FRA10AC1: variants seen among roughly 807,000 people sequenced by gnomAD.
FRA10AC1 encodes the protein FRA10A associated CGG repeat 1.
FRA10AC1 carries 43 observed loss-of-function variants against 56.5 expected under a neutral mutation model. The ratio of observed to expected loss-of-function variants is 0.76; its 90% CI spans 0.60 to 0.98. The LOEUF is 0.98. FRA10AC1 is among the 50% of genes least tolerant of loss of function. The pLI is 0.00. For synonymous variants in FRA10AC1, 112 were observed against 110.5 expected, an observed-to-expected ratio of 1.01 and a Z score of -0.09; for missense variants, 346 against 351.8, an observed-to-expected ratio of 0.98 and a Z score of 0.13.
intron 5 of FRA10AC1, among the ~76,000 whole-genome samples, chr10:93,693,503 TATATACACC>T (rs1472905299): frequency 2.8e-4 from 14 of 50,028 alleles, no homozygotes; most frequent in African/African-American, 6.7e-4. Context: ...TATATATATA[TATATACACC>T]ATATATATAT....
chr10:93,668,238 T>C lies in FRA10AC1; in HGVS notation c.*1588A>G, dbSNP rs1589709747. The stretch of plus-strand genomic sequence containing the variant: ...AAAATACTTGCTTATGTTCAGTTCA[T>C]TTTCTATATGTCCTTTCTCTTATTC... On this transcript the variant is annotated 3_prime_UTR_variant, in exon 14 of 14. Coordinates refer to ENST00000359204, the MANE Select transcript of FRA10AC1 (RefSeq NM_145246.5). 6.6e-6 allele frequency: 1 copy of C among 152,340 alleles called. No homozygotes were observed. The highest frequency in any genetic ancestry group is 1.9e-4 in the East Asian group (1 of 5,188). 9.4% of individuals were successfully genotyped at this position (152,340 alleles called of 1,614,324 possible).
intron 7 of FRA10AC1, among the ~76,000 whole-genome samples, chr10:93,689,805 A>G (rs1456927248): frequency 6.6e-6 from 1 of 152,110 alleles, no homozygotes; most frequent in East Asian, 1.9e-4. Flanking sequence ...TTTTCTTCTC[A>G]CTCTGCACTC....
intron 10 of FRA10AC1, among the ~76,000 whole-genome samples, chr10:93,682,354 T>C (rs543052736): frequency 1.3e-5 from 2 of 152,364 alleles, no homozygotes; most frequent in South Asian, 4.1e-4. Flanking sequence ...AATGCTATAA[T>C]AGTATTTAAT....
chr10:93,700,747 A>G (rs1314259333), intron 1 of FRA10AC1, among the ~76,000 whole-genome samples: 1 of 152,206 alleles, frequency 6.6e-6, no homozygotes, highest in African/African-American at 2.4e-5. Flanking sequence ...CTTTTTCAAT[A>G]TATGTAGAGA....
At chr10:93,678,853 CA>C (rs34627615) in intron 11 of FRA10AC1, among the ~76,000 whole-genome samples, 78 of 133,872 alleles carry the variant, frequency 5.8e-4, no homozygotes, top group East Asian at 9.0e-4. Context: ...CCCTGTCTTA[CA>C]AAAAAAAAAA....
At chr10:93,691,454 G>A (rs2059123231) in intron 7 of FRA10AC1, among the ~76,000 whole-genome samples, 1 of 152,092 alleles carries the variant, frequency 6.6e-6, no homozygotes, top group Non-Finnish European at 1.5e-5. Context: ...TGAGATTACA[G>A]GCATGAGCCA....
rs894605732 is a variant in FRA10AC1, at chr10:93,668,693, C to G, written c.*1133G>C. 1 of 152,750 alleles carries G rather than the reference C, an allele frequency of 6.5e-6. No individual in the cohort carries two copies. Among genetic ancestry groups the G allele is most frequent in the African/African-American group, 2.4e-5 (1 of 41,460 alleles). The allele number at this position is 152,750 out of a possible 1,614,324, so 9.5% of individuals were successfully genotyped here. On this transcript the variant is annotated 3_prime_UTR_variant, in exon 14 of 14. Coordinates refer to ENST00000359204, the MANE Select transcript of FRA10AC1 (RefSeq NM_145246.5). ...GCAGCAAAAGAAAATGAGAAGGATG[C>G]AAAAGCAGAAGCCCCTGATAAAACC...
intron 13 of FRA10AC1, among the ~76,000 whole-genome samples, chr10:93,670,481 T>G (rs886742205): frequency 6.6e-6 from 1 of 152,140 alleles, no homozygotes; most frequent in African/African-American, 2.4e-5. Context: ...TATGATGGAA[T>G]AGGCTTCTCT....
intron 7 of FRA10AC1, among the ~76,000 whole-genome samples, chr10:93,691,169 GA>G (rs1214027079): frequency 6.6e-6 from 1 of 152,072 alleles, no homozygotes; most frequent in African/African-American, 2.4e-5. Context: ...TTTGATGTTT[GA>G]GATAGAAATA....
intron 11 of FRA10AC1, among the ~76,000 whole-genome samples, chr10:93,677,538 T>G (rs1363525239): frequency 6.6e-6 from 1 of 152,176 alleles, no homozygotes; most frequent in Non-Finnish European, 1.5e-5. Flanking sequence ...TAGGCTTAAT[T>G]TGGAGGCCCA....
In FRA10AC1 at chr10:93,684,085, T is replaced by A. The variant is rs147730663; in HGVS notation, c.639A>T (p.Glu213Asp). 16 of 1,607,158 alleles carry A rather than the reference T, an allele frequency of 1.0e-5. No individual in the cohort carries two copies. The highest frequency in any genetic ancestry group is 1.2e-5 in the Non-Finnish European group (14 of 1,174,484). ...GATGGAAATTTAATTTAATGGAACA[T>A]TCTTGGCATAACCCTAAAAAGAAAA... is the stretch of plus-strand genomic sequence containing the variant. ...NALVKLRLCQ[E>D]CSIKLNFHHR... The change falls in exon 10 of 14, where the codon GAA becomes GAT. Residue 213 changes from glutamate (E) to aspartate (D), a missense_variant. Transcript: ENST00000359204.
chr10:93,687,423 T>C lies in FRA10AC1; in HGVS notation c.492A>G (p.Lys164=), dbSNP rs192716215. ...NKFGFRWRVE[K]EVISGKGQFF... is the part of the protein sequence containing the mutation. ...AATTACCTTTTCCTGAAATTACTTC[T>C]TTTTCTACTCGCCACCTAAATCCAA... is the stretch of plus-strand genomic sequence containing the variant. The change falls in exon 8 of 14, where the codon AAA becomes AAG. Residue 164 remains lysine, a synonymous_variant. Transcript: ENST00000359204. 12 of 1,517,196 alleles carry C rather than the reference T, an allele frequency of 7.9e-6. No homozygotes were observed. The highest frequency in any genetic ancestry group is 1.7e-4 in the Middle Eastern group (1 of 5,718). 94.0% of individuals were successfully genotyped at this position (1,517,196 alleles called of 1,614,324 possible).
rs572988404 is a variant in FRA10AC1, at chr10:93,676,709, T to C, written c.788-18A>G. On this transcript the variant is annotated intron_variant, in intron 11 of 13. Transcript: ENST00000359204. ...TGAATGTCCTGAAAAGGAAACATCATTGATTTATTAACTATCATCTTGTAA... is the reference window on the plus strand; with the variant it reads ...TGAATGTCCTGAAAAGGAAACATCACTGATTTATTAACTATCATCTTGTAA... The C allele has an allele frequency of 2.6e-6, 4 of 1,562,904 alleles. No individual in the cohort carries two copies. In the African/African-American group the frequency reaches 5.5e-5, roughly 22 times the overall value.
At chr10:93,699,115 T>C (rs10882309) in intron 2 of FRA10AC1, among the ~76,000 whole-genome samples, 13,037 of 152,270 alleles carry the variant, frequency 0.086, 666 homozygotes, top group East Asian at 0.27. Flanking sequence ...GCCCTAGTTA[T>C]AGTGATGAAT....
At position 93,667,907 on chromosome 10, in the gene FRA10AC1, CAAG is replaced by C. The variant is rs1254219450; in HGVS notation, c.*1916_*1918del. On this transcript the variant is annotated 3_prime_UTR_variant, in exon 14 of 14. Coordinates refer to ENST00000359204, the MANE Select transcript of FRA10AC1 (RefSeq NM_145246.5). ...GTGAGGTGAAAAAAAACAATTTATTCAAGAAGTGAGGGGACTATCAAACAATGT... is the reference window on the plus strand; with the variant it reads ...GTGAGGTGAAAAAAAACAATTTATTCAAGTGAGGGGACTATCAAACAATGT... The C allele has an allele frequency of 6.6e-6, 1 of 152,052 alleles. No homozygotes were observed. Among genetic ancestry groups the C allele is most frequent in the Non-Finnish European group, 1.5e-5 (1 of 68,000 alleles). 9.4% of individuals were successfully genotyped at this position (152,052 alleles called of 1,614,324 possible).
intron 4 of FRA10AC1, among the ~76,000 whole-genome samples, chr10:93,696,531 T>C (rs1218500747): frequency 6.6e-6 from 1 of 152,232 alleles, no homozygotes; most frequent in Non-Finnish European, 1.5e-5. Context: ...TCAACCATTA[T>C]TGAAGACAAT....
chr10:93,683,393 T>C (rs2058969161), intron 10 of FRA10AC1, among the ~76,000 whole-genome samples: 1 of 152,080 alleles, frequency 6.6e-6, no homozygotes, highest in African/African-American at 2.4e-5. Flanking sequence ...GCTCTGTTGC[T>C]AGGCTGGAAT....
At chr10:93,695,880 GATGGTAA>G (rs1481561002) in intron 4 of FRA10AC1, among the ~76,000 whole-genome samples, 1 of 150,750 alleles carries the variant, frequency 6.6e-6, no homozygotes, top group Non-Finnish European at 1.5e-5. Context: ...CAAACGGCCA[GATGGTAA>G]ATATTTCAGG....
chr10:93,684,220 C>A, intron 9 of FRA10AC1, 122 bp from the exon 10 acceptor site: 1 of 661,796 alleles, frequency 1.5e-6, no homozygotes, highest in Admixed American at 2.5e-5. Context: ...AACAAACAAT[C>A]CAAAGAAAAC....
Sources: allele counts gnomAD v4.1 joint callset (sites outside exome capture counted in the v4.1 genomes callset), GRCh38; gene constraint gnomAD v4.1.1; transcripts MANE v1.5; gene names NCBI Gene and HGNC (gene_info 2026-07-23, HGNC 2026-07-21).